The following DOP1A variants were observed in gnomAD, a reference collection of about 807,000 sequenced individuals.
DOP1A encodes DOP1 leucine zipper like protein A, also known as protein DOP1A.
Under a neutral mutation model 267.6 loss-of-function variants are expected in DOP1A, and 90 were observed. That is an observed-to-expected ratio of 0.34 (90% CI 0.28 to 0.40). The LOEUF is 0.40. Among genes scored for constraint, DOP1A ranks in the 10% least tolerant of loss-of-function variants. The pLI, the probability that DOP1A is intolerant of heterozygous loss-of-function variation, is 1.00. For missense variants in DOP1A, 2,437 were observed against 2,900.4 expected (o/e 0.84, Z 3.67); for synonymous variants, 932 against 999.1 (o/e 0.93, Z 1.27).
chr6:83,072,736 AG>A (rs1417785340), intron 1 of DOP1A, among the ~76,000 whole-genome samples: 1 of 152,238 alleles, frequency 6.6e-6, no homozygotes, highest in African/African-American at 2.4e-5. Flanking sequence ...TATTATGAAA[AG>A]GTACTATAAA....
intron 17 of DOP1A, 38 bp downstream of exon 17, chr6:83,130,435 A>G (rs916240923): frequency 1.3e-6 from 2 of 1,576,938 alleles, no homozygotes; most frequent in Non-Finnish European, 1.7e-6. Flanking sequence ...TATGATGATT[A>G]CAGCCATGTA....
At chr6:83,120,299 A>C (rs898628651) in intron 9 of DOP1A, among the ~76,000 whole-genome samples, 1 of 151,940 alleles carries the variant, frequency 6.6e-6, no homozygotes, top group African/African-American at 2.4e-5. Flanking sequence ...AGGTTATAAG[A>C]ATATAGTTGT....
Position 83,099,084 on chromosome 6 carries a change from A to G in DOP1A, c.139-1621A>G, listed in dbSNP as rs188916687. 4.6e-5 allele frequency among the ~76,000 whole-genome samples: 7 copies of G among 152,166 alleles called. No homozygotes were observed. The East Asian group carries it at 1.2e-3, about 25-fold the overall frequency. On this transcript the variant is annotated intron_variant, in intron 3 of 38. Coordinates refer to ENST00000349129, the MANE Select transcript of DOP1A (RefSeq NM_015018.4). ...AGAGGGCAGGAAAAGTCAGAGAGAA[A>G]TTGTTTTCTGAGGCCTGCTTCTGAG... is the stretch of plus-strand genomic sequence containing the variant.
At chr6:83,114,810 A>G (rs1775142136) in intron 7 of DOP1A, among the ~76,000 whole-genome samples, 1 of 152,308 alleles carries the variant, frequency 6.6e-6, no homozygotes, top group South Asian at 2.1e-4. Context: ...AATATGTATT[A>G]TGGAAACAAT....
intron 4 of DOP1A, among the ~76,000 whole-genome samples, chr6:83,102,656 C>T (rs1253731862): frequency 6.6e-6 from 1 of 152,196 alleles, no homozygotes; most frequent in African/African-American, 2.4e-5. Context: ...TGTTCTTATC[C>T]TCTTCTACCC....
chr6:83,169,415 A>C, downstream of DOP1A: 3 of 1,434,568 alleles, frequency 2.1e-6, no homozygotes, highest in Non-Finnish European at 2.8e-6. Context: ...TGGGGAAGAG[A>C]GGGGTGATTC....
At chr6:83,072,937 GT>G in intron 1 of DOP1A, 3 of 336,548 alleles carry the variant, frequency 8.9e-6, no homozygotes, top group South Asian at 4.8e-5. Context: ...TCCTGGAGAG[GT>G]TTTTCTCCTG....
rs55657605 is a variant in DOP1A, at chr6:83,085,778, TTTATGTTATGTTATGTTATG to T, written c.-146-10913_-146-10894del. Among the ~76,000 whole-genome samples, 126 of 143,064 alleles carry T rather than the reference TTTATGTTATGTTATGTTATG, an allele frequency of 8.8e-4. 1 individual carries two copies. The highest frequency in any genetic ancestry group is 3.5e-3 in the Middle Eastern group (1 of 286). 93.9% of individuals were successfully genotyped at this position (143,064 alleles called of 152,430 possible). On this transcript the variant is annotated intron_variant, in intron 1 of 38. Coordinates refer to ENST00000349129, the MANE Select transcript of DOP1A (RefSeq NM_015018.4). ...ACCATTGATGGGTTTTTTGCGGTAT[TTTATGTTATGTTATGTTATG>T]TTATGTTATGTTATGTTATGTTATG...
chr6:83,110,431 AT>A lies in DOP1A; in HGVS notation c.681+120del, dbSNP rs1245286806. ...AAGTTCCTATTTTCATCGAGCTTAC[AT>A]TTATCAAGGAAAATTAAAGGCCAAA... On this transcript the variant is annotated intron_variant, in intron 6 of 38. Transcript: ENST00000349129. 6.6e-6 allele frequency: 7 copies of A among 1,058,478 alleles called. No individual in the cohort carries two copies. In the Admixed American group the frequency reaches 2.0e-4, roughly 31 times the overall value. The allele number at this position is 1,058,478 out of a possible 1,614,324, so 65.6% of individuals were successfully genotyped here.
At chr6:83,154,568 C>T (rs1051822866) in intron 33 of DOP1A, among the ~76,000 whole-genome samples, 3 of 152,158 alleles carry the variant, frequency 2.0e-5, no homozygotes, top group African/African-American at 7.2e-5. Flanking sequence ...ATAATAATAG[C>T]ACTCAATAAA....
chr6:83,138,154 T>A lies in DOP1A; in HGVS notation c.4112T>A (p.Leu1371Gln). 1 of 1,614,018 alleles carries A rather than the reference T, an allele frequency of 6.2e-7. No homozygotes were observed. The highest frequency in any genetic ancestry group is 2.2e-5 in the East Asian group (1 of 44,872). Residue 1371 changes from leucine (L) to glutamine (Q), a missense_variant, in exon 21 of 39, where the codon CTG (leucine) becomes CAG (glutamine). Physicochemically the swap from Leu to Gln is moderately radical, Grantham distance 113 (BLOSUM62 -2). This residue lies in a region of DOP1A where 878 missense variants were observed against 992.9 expected (regional missense o/e 0.88). Transcript: ENST00000349129. Reference protein sequence around the residue: ...NIHPLYQHVLLYLQLYDSSRT... With the variant: ...NIHPLYQHVLQYLQLYDSSRT... ...CATCCTCTCTATCAACATGTGCTCC[T>A]GTATCTCCAGTTGTATGATTCATCC...
At chr6:83,097,720 A>T (rs1220398070) in intron 3 of DOP1A, among the ~76,000 whole-genome samples, 4 of 151,884 alleles carry the variant, frequency 2.6e-5, no homozygotes, top group Non-Finnish European at 5.9e-5. Context: ...TTTATTTTTT[A>T]AACATCAATT....
At chr6:83,170,879 T>G (rs1745251092), downstream of DOP1A, 1 of 160,988 alleles carries the variant, frequency 6.2e-6, no homozygotes, top group African/African-American at 2.4e-5. Context: ...TACCTCCAAT[T>G]GTCTTTCACA....
In DOP1A at chr6:83,137,579, T is replaced by C; in HGVS notation, c.3537T>C (p.Ala1179=). The C allele has an allele frequency of 6.2e-7, 1 of 1,613,874 alleles. No homozygotes were observed. The highest frequency in any genetic ancestry group is 8.5e-7 in the Non-Finnish European group (1 of 1,179,834). The change falls in exon 21 of 39, where the codon GCT becomes GCC. Residue 1179 remains alanine, a synonymous_variant. Transcript: ENST00000349129. ...ASVTSQLEIE[A]MPPKCSDIDP... ...TTACATCTCAATTAGAAATTGAAGC[T>C]ATGCCCCCAAAGTGCAGTGATATAG...
chr6:83,105,824 AT>A (rs1323954436), intron 4 of DOP1A, among the ~76,000 whole-genome samples: 2 of 152,234 alleles, frequency 1.3e-5, no homozygotes, highest in African/African-American at 4.8e-5. Flanking sequence ...TCAAGGCAAG[AT>A]TTACATAATT....
Position 83,138,732 on chromosome 6 carries a change from C to G in DOP1A, c.4690C>G (p.Leu1564Val). 1 of 1,613,958 alleles carries G rather than the reference C, an allele frequency of 6.2e-7. No individual in the cohort carries two copies. Among genetic ancestry groups the G allele is most frequent in the Non-Finnish European group, 8.5e-7 (1 of 1,179,930 alleles). ...AVEEGFSEDSLINFSEDEFDN... is the reference protein window; with the variant it reads ...AVEEGFSEDSVINFSEDEFDN... ...GGAAGAAGGTTTCTCAGAGGACAGC[C>G]TTATTAATTTCTCAGAGGATGAATT... is the stretch of plus-strand genomic sequence containing the variant. Residue 1564 changes from leucine (L) to valine (V), a missense_variant, in exon 21 of 39, where the codon CTT (leucine) becomes GTT (valine). Leu to Val is a conservative substitution (Grantham distance 32, BLOSUM62 1). Transcript: ENST00000349129.
chr6:83,103,191 CTGA>C (rs1772921288), intron 4 of DOP1A, among the ~76,000 whole-genome samples: 4 of 152,116 alleles, frequency 2.6e-5, no homozygotes, highest in African/African-American at 4.8e-5. Flanking sequence ...TCACAGTAAC[CTGA>C]ATGGAATTGG....
chr6:83,069,663 C>A (rs1311988469), intron 1 of DOP1A, among the ~76,000 whole-genome samples: 1 of 152,004 alleles, frequency 6.6e-6, no homozygotes, highest in East Asian at 1.9e-4. Context: ...CACTTAAGTT[C>A]CCATGAGTCT....
intron 16 of DOP1A, 98 bp from the exon 17 acceptor site, chr6:83,130,025 T>G: frequency 6.8e-7 from 1 of 1,467,216 alleles, no homozygotes; most frequent in Non-Finnish European, 9.1e-7. Flanking sequence ...GATCAAGGCC[T>G]TAAAAGTATT....
Sources: gnomAD v4.1 joint callset for allele counts (sites outside exome capture counted in the v4.1 genomes callset) on GRCh38, gnomAD v4.1.1 for gene constraint, gnomAD v4.1.1 regional missense constraint, MANE v1.5 for transcripts, NCBI Gene and HGNC (gene_info 2026-07-23, HGNC 2026-07-21) for gene names.